EGFR: variants seen among roughly 807,000 people sequenced by gnomAD.
EGFR encodes epidermal growth factor receptor.
A neutral mutation model predicts 143.0 loss-of-function variants in EGFR; 58 were observed. That is an observed-to-expected ratio of 0.41 (90% CI 0.33 to 0.50). EGFR has a LOEUF of 0.50. Ranked by LOEUF, EGFR falls within the 20% of genes least tolerant of loss-of-function variation. EGFR has a pLI of 0.39. For missense variants in EGFR, 1,307 were observed against 1,579.0 expected (o/e 0.83, Z 2.92); for synonymous variants, 613 against 594.4 (o/e 1.03, Z -0.45).
At chr7:55,160,978 A>G (rs1785669827) in intron 12 of EGFR, among the ~76,000 whole-genome samples, 1 of 152,248 alleles carries the variant, frequency 6.6e-6, no homozygotes, top group African/African-American at 2.4e-5. Context: ...CCTAGCACAC[A>G]GCACACAGCC....
chr7:55,152,550 C>A lies in EGFR; in HGVS notation c.633C>A (p.Thr211=). ...GGAACCTTTGCTCTTTTTCAGTGACCAAAATCATCTGTGCCCAGCAGTGCT... is the reference window on the plus strand; with the variant it reads ...GGAACCTTTGCTCTTTTTCAGTGACAAAAATCATCTGTGCCCAGCAGTGCT... ...GAGEENCQKL[T]KIICAQQCSG... Residue 211 remains threonine (T), a synonymous_variant, in exon 6 of 28, where the codon ACC becomes ACA. Coordinates refer to ENST00000275493, the MANE Select transcript of EGFR (RefSeq NM_005228.5). 1 of 1,613,966 alleles carries A rather than the reference C, an allele frequency of 6.2e-7. No individual in the cohort carries two copies. The highest frequency in any genetic ancestry group is 8.5e-7 in the Non-Finnish European group (1 of 1,179,996).
chr7:55,198,665 T>C (rs2128968532), intron 22 of EGFR, 52 bp from the exon 23 acceptor site: 1 of 1,611,662 alleles, frequency 6.2e-7, no homozygotes, highest in Non-Finnish European at 8.5e-7. Context: ...CAAGGGATTG[T>C]GATTGTTCAT....
At chr7:55,123,845 G>A (rs929931661) in intron 1 of EGFR, among the ~76,000 whole-genome samples, 3 of 152,012 alleles carry the variant, frequency 2.0e-5, no homozygotes, top group Admixed American at 6.6e-5. Flanking sequence ...GTGTGCATGT[G>A]AATGTGCCCG....
At chr7:55,067,337 C>T (rs1331913608) in intron 1 of EGFR, among the ~76,000 whole-genome samples, 1 of 151,662 alleles carries the variant, frequency 6.6e-6, no homozygotes, top group Non-Finnish European at 1.5e-5. Context: ...GAAATGACTC[C>T]AGAGTGTTCC....
At chr7:55,174,842 TG>T (rs1436575358) in intron 19 of EGFR, 22 bp downstream of exon 19, 1 of 1,597,394 alleles carries the variant, frequency 6.3e-7, no homozygotes, top group South Asian at 1.1e-5. Flanking sequence ...CTTTGCTGTG[TG>T]GGGGTCCATG....
intron 10 of EGFR, 113 bp downstream of exon 10, chr7:55,156,945 C>A (rs1190148387): frequency 1.3e-6 from 2 of 1,561,214 alleles, no homozygotes; most frequent in Non-Finnish European, 1.7e-6. Context: ...TGAAATTTTA[C>A]CGTTAATGGC....
chr7:55,101,241 A>C (rs1350810831), intron 1 of EGFR, among the ~76,000 whole-genome samples: 3 of 152,214 alleles, frequency 2.0e-5, no homozygotes, highest in Admixed American at 1.3e-4. Flanking sequence ...TTGGGACCTA[A>C]GTCCTCGTCA....
At chr7:55,171,040 T>C in intron 15 of EGFR, 135 bp from the exon 16 acceptor site, 1 of 1,519,024 alleles carries the variant, frequency 6.6e-7, no homozygotes, top group Non-Finnish European at 8.8e-7. Context: ...CAATCCAACA[T>C]CCAGACACAT....
At chr7:55,037,848 C>T (rs920525652) in intron 1 of EGFR, among the ~76,000 whole-genome samples, 6 of 152,202 alleles carry the variant, frequency 3.9e-5, no homozygotes, top group African/African-American at 4.8e-5. Context: ...ACACCTTCCT[C>T]AGGAGATCTA....
At chr7:55,158,860 C>T (rs1180418404) in intron 11 of EGFR, among the ~76,000 whole-genome samples, 1 of 152,128 alleles carries the variant, frequency 6.6e-6, no homozygotes, top group Non-Finnish European at 1.5e-5. Flanking sequence ...GTTACAGGCT[C>T]CTATGCGAGA....
Position 55,163,801 on chromosome 7 carries a change from T to C in EGFR, c.1700T>C (p.Met567Thr), listed in dbSNP as rs2128944771. The change falls in exon 14 of 28, where the codon ATG becomes ACG. Residue 567 changes from methionine to threonine, a missense_variant. Around this residue, in one of 7 missense-constraint regions of EGFR, gnomAD observed 250 missense variants for 295.1 expected, o/e 0.85. Coordinates refer to ENST00000275493, the MANE Select transcript of EGFR (RefSeq NM_005228.5). ...CACCCAGAGTGCCTGCCTCAGGCCA[T>C]GAACATCACCTGCACAGGACGGGTA... is the stretch of plus-strand genomic sequence containing the variant. Reference protein sequence around the residue: ...QCHPECLPQAMNITCTGRGPD... With the variant: ...QCHPECLPQATNITCTGRGPD... 6.2e-7 allele frequency: 1 copy of C among 1,614,212 alleles called. No individual in the cohort carries two copies. Among genetic ancestry groups the C allele is most frequent in the Non-Finnish European group, 8.5e-7 (1 of 1,180,030 alleles).
intron 1 of EGFR, among the ~76,000 whole-genome samples, chr7:55,097,869 A>T (rs1462005630): frequency 1.3e-5 from 2 of 151,998 alleles, no homozygotes; most frequent in African/African-American, 4.8e-5. Context: ...AATGCACCTA[A>T]ACTTCTTTTT....
chr7:55,120,028 T>TAG (rs981757883), intron 1 of EGFR, among the ~76,000 whole-genome samples: 16 of 152,380 alleles, frequency 1.1e-4, no homozygotes, highest in African/African-American at 3.4e-4. Flanking sequence ...GCCAGTATGC[T>TAG]GACTGGGTAG....
chr7:55,116,868 A>G (rs1262428161), intron 1 of EGFR, among the ~76,000 whole-genome samples: 1 of 152,232 alleles, frequency 6.6e-6, no homozygotes, highest in Non-Finnish European at 1.5e-5. Flanking sequence ...GTTCCATCAT[A>G]GGAGAATACC....
intron 18 of EGFR, 122 bp from the exon 19 acceptor site, chr7:55,174,600 C>A: frequency 1.1e-6 from 1 of 876,354 alleles, no homozygotes; most frequent in Non-Finnish European, 1.9e-6. Context: ...GGTGCGGCTC[C>A]ACAGCCCCAG....
intron 1 of EGFR, among the ~76,000 whole-genome samples, chr7:55,122,003 G>C (rs1462229666): frequency 6.6e-6 from 1 of 152,166 alleles, no homozygotes; most frequent in Admixed American, 6.5e-5. Flanking sequence ...TATCCAAAAA[G>C]ACTTGGAGGG....
chr7:55,155,374 G>A (rs772246011), intron 7 of EGFR, among the ~76,000 whole-genome samples: 7 of 152,188 alleles, frequency 4.6e-5, no homozygotes, highest in Non-Finnish European at 8.8e-5. Flanking sequence ...CCCAGGAGGC[G>A]GAGGTTGCAG....
At chr7:55,052,130 A>G (rs1157536132) in intron 1 of EGFR, among the ~76,000 whole-genome samples, 1 of 152,146 alleles carries the variant, frequency 6.6e-6, no homozygotes, top group African/African-American at 2.4e-5. Flanking sequence ...ATTTTGGTCA[A>G]GTCCTTTATT....
At chr7:55,085,635 T>C (rs1790709502) in intron 1 of EGFR, among the ~76,000 whole-genome samples, 1 of 152,340 alleles carries the variant, frequency 6.6e-6, no homozygotes, top group South Asian at 2.1e-4. Flanking sequence ...ACAAGAATCC[T>C]TGAACATTTA....
Sources: allele counts gnomAD v4.1 joint callset (sites outside exome capture counted in the v4.1 genomes callset), GRCh38; gene constraint gnomAD v4.1.1; regional missense constraint gnomAD v4.1.1; transcripts MANE v1.5; gene names NCBI Gene and HGNC (gene_info 2026-07-23, HGNC 2026-07-21).